KCNN1: variants seen among roughly 807,000 people sequenced by gnomAD.
The protein encoded by KCNN1 is potassium calcium-activated channel subfamily N member 1, also known as small conductance calcium-activated potassium channel protein 1.
Under a neutral mutation model 44.7 loss-of-function variants are expected in KCNN1, and 20 were observed. The ratio of observed to expected loss-of-function variants is 0.45; its 90% CI spans 0.32 to 0.65. The LOEUF (loss-of-function observed/expected upper bound fraction) is 0.65, where lower values mean the gene tolerates loss of function less well. KCNN1 is among the 30% of genes least tolerant of loss of function. The pLI, the probability that KCNN1 is intolerant of heterozygous loss-of-function variation, is 0.05. For synonymous variants in KCNN1, 324 were observed against 341.7 expected, an observed-to-expected ratio of 0.95 and a Z score of 0.57; for missense variants, 632 against 785.3, an observed-to-expected ratio of 0.80 and a Z score of 2.33.
In KCNN1 at chr19:17,993,285, G is replaced by A. The variant is rs929793464; in HGVS notation, c.1308-205G>A. Among the ~76,000 whole-genome samples, 10 of 152,120 alleles carry A rather than the reference G, an allele frequency of 6.6e-5. No individual in the cohort carries two copies. Among genetic ancestry groups the A allele is most frequent in the South Asian group, 2.1e-4 (1 of 4,830 alleles). On this transcript the variant is annotated intron_variant, in intron 8 of 9. Coordinates refer to ENST00000684775, the MANE Select transcript of KCNN1 (RefSeq NM_001386974.1). This position sits in a 1 kb window ranked among gnomAD's most constrained non-coding sequence, Gnocchi z 4.5. ...GGACCAGCCAATGGGTGGTGTGGGC[G>A]GTGGCCAGGCTGACTTCTGGCCCTG...
intron 3 of KCNN1, among the ~76,000 whole-genome samples, chr19:17,976,421 CT>C (rs139307020): frequency 2.3e-3 from 332 of 144,634 alleles, no homozygotes; most frequent in East Asian, 6.0e-3. Context: ...ATTATTCAAC[CT>C]TTTTTTTTTT....
Position 17,985,421 on chromosome 19 carries a change from G to T in KCNN1, c.1027G>T (p.Gly343Trp). ...YGDMVPHTYCGKGVCLLTGIM... is the reference protein window; with the variant it reads ...YGDMVPHTYCWKGVCLLTGIM... ...CGACATGGTGCCCCACACCTACTGC[G>T]GGAAGGGTGTGTGCCTGCTCACTGG... is the stretch of plus-strand genomic sequence containing the variant. The change falls in exon 5 of 10, where the codon GGG becomes TGG. Residue 343 changes from glycine (G) to tryptophan (W), a missense_variant. Transcript: ENST00000684775. 1 of 1,607,522 alleles carries T rather than the reference G, an allele frequency of 6.2e-7. No individual in the cohort carries two copies. The highest frequency in any genetic ancestry group is 8.5e-7 in the Non-Finnish European group (1 of 1,175,522).
At chr19:17,952,681 C>T (rs530242794) in intron 1 of KCNN1, among the ~76,000 whole-genome samples, 2 of 152,258 alleles carry the variant, frequency 1.3e-5, no homozygotes, top group South Asian at 2.1e-4. Flanking sequence ...CCCGTTGCCC[C>T]CTCCTCCCTC....
At chr19:17,976,477 G>C (rs867478177) in intron 3 of KCNN1, among the ~76,000 whole-genome samples, 114 of 151,560 alleles carry the variant, frequency 7.5e-4, no homozygotes, top group African/African-American at 2.4e-3. Flanking sequence ...GAGTGCAATG[G>C]CACGATCTCC....
intron 5 of KCNN1, 114 bp from the exon 6 acceptor site, chr19:17,988,301 T>TCCA: frequency 2.6e-6 from 2 of 754,886 alleles, no homozygotes; most frequent in Admixed American, 4.3e-5. Flanking sequence ...GCAGATGGAA[T>TCCA]CCACTCACAC....
rs753514903 is a variant in KCNN1 at position 17,998,117 on chromosome 19, G to A, written c.1378-35G>A. 12 of 1,538,544 alleles carry A rather than the reference G, an allele frequency of 7.8e-6. No homozygotes were observed. The highest frequency in any genetic ancestry group is 2.3e-5 in the East Asian group (1 of 42,748). On this transcript the variant is annotated intron_variant, in intron 9 of 9. Coordinates refer to ENST00000684775, the MANE Select transcript of KCNN1 (RefSeq NM_001386974.1). The surrounding 1 kb of genome is among the most constrained non-coding windows in gnomAD (Gnocchi z 5.4). ...ATCGTCCTTTCCTCTCTCACTCAGC[G>A]GCGCCTCTCTCCTGCCCCTCTCTGT...
intron 2 of KCNN1, among the ~76,000 whole-genome samples, chr19:17,955,983 G>A (rs180701894): frequency 1.9e-3 from 283 of 151,940 alleles, no homozygotes; most frequent in African/African-American, 6.6e-3. Context: ...AGGCTGGAGC[G>A]CAGTGGCATG....
At chr19:17,996,166 CAAAA>C (rs757072562) in intron 9 of KCNN1, among the ~76,000 whole-genome samples, 13 of 92,120 alleles carry the variant, frequency 1.4e-4, no homozygotes, top group African/African-American at 3.2e-4. Context: ...TCCATTGCTA[CAAAA>C]AAAAAAAAAA....
At chr19:17,985,193 C>G (rs1236774304) in intron 4 of KCNN1, 119 bp from the exon 5 acceptor site, 1 of 972,936 alleles carries the variant, frequency 1.0e-6, no homozygotes, top group Non-Finnish European at 1.5e-6. Context: ...AGGACATAGC[C>G]CCAACGCAGC....
At chr19:17,985,250 T>G in intron 4 of KCNN1, 62 bp from the exon 5 acceptor site, 2 of 1,454,958 alleles carry the variant, frequency 1.4e-6, no homozygotes, top group South Asian at 2.9e-5. Context: ...CCAGGGGGTG[T>G]GATGGAGGCA....
At chr19:17,988,583 T>G in intron 6 of KCNN1, 58 bp downstream of exon 6, 2 of 1,209,630 alleles carry the variant, frequency 1.7e-6, no homozygotes, top group Non-Finnish European at 1.2e-6. Context: ...AGCGTAGAAC[T>G]TCCCTGCTTT....
At chr19:17,988,633 T>C (rs934623584) in intron 6 of KCNN1, 108 bp downstream of exon 6, 1 of 814,090 alleles carries the variant, frequency 1.2e-6, no homozygotes, top group African/African-American at 1.7e-5. Context: ...GCCCATGGGT[T>C]ACCATGCAGC....
intron 2 of KCNN1, among the ~76,000 whole-genome samples, chr19:17,956,595 A>T (rs576753401): frequency 3.9e-4 from 56 of 143,998 alleles, no homozygotes; most frequent in African/African-American, 7.1e-4. Context: ...TTTTTTTTTT[A>T]AATTAACCAG....
chr19:17,970,859 C>A (rs1308640639), intron 1 of KCNN1, among the ~76,000 whole-genome samples: 2 of 151,990 alleles, frequency 1.3e-5, no homozygotes, highest in African/African-American at 2.4e-5. Flanking sequence ...GCCAAAGTCA[C>A]CCATGTCCAA....
rs1277077756 is a variant in KCNN1 at position 17,983,999 on chromosome 19, T to C, written c.918-1313T>C. ...GGTGAAACCCTGTCTCTACTAAAAA[T>C]ACAAAAAAAAAAAATTAGATGGGCA... On this transcript the variant is annotated intron_variant, in intron 4 of 9. Transcript: ENST00000684775. The surrounding 1 kb of genome is among the most constrained non-coding windows in gnomAD (Gnocchi z 4.5). Among the ~76,000 whole-genome samples, 9 of 146,872 alleles carry C rather than the reference T, an allele frequency of 6.1e-5. No individual in the cohort carries two copies. The highest frequency in any genetic ancestry group is 7.5e-5 in the Non-Finnish European group (5 of 66,656).
At chr19:17,992,765 C>T (rs542115985) in intron 7 of KCNN1, among the ~76,000 whole-genome samples, 106 of 152,314 alleles carry the variant, frequency 7.0e-4, no homozygotes, top group African/African-American at 2.4e-3. Context: ...CTTTACCCCT[C>T]TGAGCCTCAG....
intron 3 of KCNN1, among the ~76,000 whole-genome samples, chr19:17,976,102 G>T (rs941834100): frequency 3.3e-5 from 5 of 152,054 alleles, no homozygotes; most frequent in African/African-American, 1.2e-4. Context: ...GATCACTTGG[G>T]GTCAGGAGTT....
Position 17,998,331 on chromosome 19 carries a change from C to T in KCNN1, c.1557C>T (p.Gly519=). ...CGCCTCCCCTGCCTCCCAGGCCCGG[C>T]CCCGGCCCCCAAGACCAGGCAGCCC... The part of the protein sequence containing the change: ...PPPPPLPPRP[G]PGPQDQAARS... Residue 519 remains glycine (G), a synonymous_variant, in exon 10 of 10, where the codon GGC becomes GGT. Transcript: ENST00000684775. This position sits in a 1 kb window ranked among gnomAD's most constrained non-coding sequence, Gnocchi z 5.4. 6.5e-7 allele frequency: 1 copy of T among 1,531,862 alleles called. No homozygotes were observed. 94.9% of individuals were successfully genotyped at this position (1,531,862 alleles called of 1,614,324 possible). A position where few individuals can be genotyped will look rare whatever the true frequency, so the allele number is the denominator to read the frequency against.
At position 17,999,754 on chromosome 19, in the gene KCNN1, T is replaced by A. The variant is rs2033122099; in HGVS notation, c.*1348T>A. ...GGCCTGGCTCCTGGGGAGACGACGC[T>A]GTGCATAGCCGAGGAGCCCCAGGTC... On this transcript the variant is annotated 3_prime_UTR_variant, in exon 10 of 10. Coordinates refer to ENST00000684775, the MANE Select transcript of KCNN1 (RefSeq NM_001386974.1). 1 of 324,566 alleles carries A rather than the reference T, an allele frequency of 3.1e-6. No homozygotes were observed. Among genetic ancestry groups the A allele is most frequent in the African/African-American group, 2.2e-5 (1 of 46,290 alleles). The allele number at this position is 324,566 out of a possible 1,614,324, so 20.1% of individuals were successfully genotyped here.
Sources: gnomAD v4.1 joint callset for allele counts (sites outside exome capture counted in the v4.1 genomes callset) on GRCh38, gnomAD v4.1.1 for gene constraint, Gnocchi (gnomAD v3.1) non-coding constraint, MANE v1.5 for transcripts, NCBI Gene and HGNC (gene_info 2026-07-23, HGNC 2026-07-21) for gene names.